The following TNIK variants were observed in gnomAD, a reference collection of about 807,000 sequenced individuals.
TNIK encodes TRAF2 and NCK-interacting protein kinase.
Under a neutral mutation model 191.3 loss-of-function variants are expected in TNIK, and 49 were observed. The ratio of observed to expected loss-of-function variants is 0.26; its 90% CI spans 0.20 to 0.32. The LOEUF (loss-of-function observed/expected upper bound fraction) is 0.32, where lower values mean the gene tolerates loss of function less well. Among genes scored for constraint, TNIK ranks in the 10% least tolerant of loss-of-function variants. The pLI, the probability that TNIK is intolerant of heterozygous loss-of-function variation, is 1.00. For synonymous variants in TNIK, 594 were observed against 600.9 expected (o/e 0.99, Z 0.17); for missense variants, 1,155 against 1,702.3 (o/e 0.68, Z 5.66).
Position 171,438,128 on chromosome 3 carries a change from T to C in TNIK, c.57+21879A>G, listed in dbSNP as rs368982138. Among the ~76,000 whole-genome samples, 78 of 152,356 alleles carry C rather than the reference T, an allele frequency of 5.1e-4. 1 individual carries two copies. The highest frequency in any genetic ancestry group is 1.9e-3 in the African/African-American group (77 of 41,586). ...TTGAGCCTGTACTTATAAAGAGGTT[T>C]ATAGTCTGTTGTCTTAATGAACCAC... On this transcript the variant is annotated intron_variant, in intron 1 of 32. Transcript: ENST00000436636.
chr3:171,305,049 G>GA (rs1470346483), intron 2 of TNIK, among the ~76,000 whole-genome samples: 3 of 106,018 alleles, frequency 2.8e-5, no homozygotes, highest in African/African-American at 9.7e-5. Context: ...TCTGCCACAG[G>GA]GAAAAAAAAA....
chr3:171,119,485 C>T (rs187190221), intron 18 of TNIK, among the ~76,000 whole-genome samples: 2,031 of 152,262 alleles, frequency 0.013, 42 homozygotes, highest in African/African-American at 0.046. Flanking sequence ...TAAAGCAGCA[C>T]ACATGCACAC....
At chr3:171,454,772 G>A (rs1728597605) in intron 1 of TNIK, among the ~76,000 whole-genome samples, 2 of 152,158 alleles carry the variant, frequency 1.3e-5, no homozygotes, top group Non-Finnish European at 1.5e-5. Flanking sequence ...TTAATTAAGT[G>A]CTCTGGAGTA....
chr3:171,396,692 T>C (rs1411575003), intron 1 of TNIK, among the ~76,000 whole-genome samples: 2 of 152,182 alleles, frequency 1.3e-5, no homozygotes, highest in Non-Finnish European at 2.9e-5. Flanking sequence ...AATCCTATCT[T>C]CTAAGAATTG....
At chr3:171,145,087 TC>T (rs1731359160) in intron 12 of TNIK, among the ~76,000 whole-genome samples, 1 of 108,176 alleles carries the variant, frequency 9.2e-6, no homozygotes, top group African/African-American at 5.0e-5. Context: ...GCTATCTCTC[TC>T]TTTTTTTTTT....
intron 2 of TNIK, among the ~76,000 whole-genome samples, chr3:171,348,329 C>A (rs1163084906): frequency 6.6e-6 from 1 of 152,128 alleles, no homozygotes; most frequent in Non-Finnish European, 1.5e-5. Flanking sequence ...CAATGATTAT[C>A]ATGTGGCATA....
chr3:171,197,122 A>T (rs1738793963), intron 4 of TNIK, among the ~76,000 whole-genome samples: 1 of 152,204 alleles, frequency 6.6e-6, no homozygotes, highest in African/African-American at 2.4e-5. Flanking sequence ...TTTAGAGAAA[A>T]ATGCTGAAAT....
At chr3:171,240,186 A>G (rs1434821248) in intron 2 of TNIK, among the ~76,000 whole-genome samples, 1 of 152,166 alleles carries the variant, frequency 6.6e-6, no homozygotes, top group Non-Finnish European at 1.5e-5. Flanking sequence ...TCGACTCATC[A>G]GGGATCGTGA....
At chr3:171,387,690 G>A (rs895044921) in intron 1 of TNIK, among the ~76,000 whole-genome samples, 11 of 152,078 alleles carry the variant, frequency 7.2e-5, no homozygotes, top group African/African-American at 2.4e-4. Flanking sequence ...AAAAATCTGC[G>A]TCATTACAGT....
chr3:171,083,155 TGA>T (rs1720902822), intron 26 of TNIK, among the ~76,000 whole-genome samples: 2 of 152,282 alleles, frequency 1.3e-5, no homozygotes, highest in African/African-American at 4.8e-5. Flanking sequence ...ACACACACAT[TGA>T]GAGGCTCATT....
At chr3:171,376,581 C>T (rs186355755) in intron 1 of TNIK, among the ~76,000 whole-genome samples, 390 of 152,174 alleles carry the variant, frequency 2.6e-3, no homozygotes, top group Admixed American at 5.0e-3. Context: ...ATCATCATAA[C>T]GACAAGCAGC....
rs17474882 is a variant in TNIK, at chr3:171,353,535, G to A, written c.123+16085C>T. On this transcript the variant is annotated intron_variant, in intron 2 of 32. Coordinates refer to ENST00000436636, the MANE Select transcript of TNIK (RefSeq NM_015028.4). ...CTTTTACTGTGCACAGAACAAGGTCGGTCCTTGAGCTTTTAAAGAGACACA... is the reference window on the plus strand; with the variant it reads ...CTTTTACTGTGCACAGAACAAGGTCAGTCCTTGAGCTTTTAAAGAGACACA... Among the ~76,000 whole-genome samples, 491 of 152,144 alleles carry A rather than the reference G, an allele frequency of 3.2e-3. 3 individuals carry two copies. Among genetic ancestry groups the A allele is most frequent in the Middle Eastern group, 3.4e-3 (1 of 292 alleles).
chr3:171,378,503 G>A (rs1025020165), intron 1 of TNIK, among the ~76,000 whole-genome samples: 15 of 152,166 alleles, frequency 9.9e-5, no homozygotes, highest in South Asian at 4.2e-4. Flanking sequence ...AAAAGTGTTC[G>A]CTAAAAATTC....
intron 4 of TNIK, among the ~76,000 whole-genome samples, 196 bp from the exon 5 acceptor site, chr3:171,194,831 A>T (rs1738496787): frequency 1.3e-5 from 2 of 152,222 alleles, no homozygotes; most frequent in Admixed American, 1.3e-4. Context: ...CATTATTTTT[A>T]AATTTTTCAA....
At position 171,113,867 on chromosome 3, in the gene TNIK, GCA is replaced by G. The variant is rs535375188; in HGVS notation, c.2121-2992_2121-2991del. 5.5e-4 allele frequency among the ~76,000 whole-genome samples: 83 copies of G among 151,842 alleles called. 1 individual carries two copies. The highest frequency in any genetic ancestry group is 6.6e-4 in the Admixed American group (10 of 15,240). ...TTTCAACATGCTTTGCCTGCGTTGA[GCA>G]CAGAGCCATATGGAAGCATGAGGCA... On this transcript the variant is annotated intron_variant, in intron 18 of 32. Coordinates refer to ENST00000436636, the MANE Select transcript of TNIK (RefSeq NM_015028.4).
intron 15 of TNIK, among the ~76,000 whole-genome samples, chr3:171,137,722 C>T (rs1377131491): frequency 6.6e-6 from 1 of 152,192 alleles, no homozygotes; most frequent in African/African-American, 2.4e-5. Flanking sequence ...GTCAACTGTG[C>T]ATCTGCTGGT....
intron 2 of TNIK, among the ~76,000 whole-genome samples, chr3:171,318,400 G>T (rs966139574): frequency 6.6e-6 from 1 of 152,060 alleles, no homozygotes; most frequent in Non-Finnish European, 1.5e-5. Flanking sequence ...TTTACTAATG[G>T]TCTTAAATTT....
intron 2 of TNIK, among the ~76,000 whole-genome samples, chr3:171,237,161 T>C (rs1232123054): frequency 6.6e-6 from 1 of 152,162 alleles, no homozygotes; most frequent in African/African-American, 2.4e-5. Flanking sequence ...GCTATCATTC[T>C]TGGGGTGGCA....
intron 29 of TNIK, among the ~76,000 whole-genome samples, chr3:171,069,930 C>T (rs148689918): frequency 1.3e-5 from 2 of 152,366 alleles, no homozygotes; most frequent in African/African-American, 4.8e-5. Flanking sequence ...TTGCCAGTTC[C>T]ACTCTTTCCT....
Sources: gnomAD v4.1 joint callset for allele counts (sites outside exome capture counted in the v4.1 genomes callset) on GRCh38, gnomAD v4.1.1 for gene constraint, MANE v1.5 for transcripts, NCBI Gene and HGNC (gene_info 2026-07-23, HGNC 2026-07-21) for gene names.